WDR88: variants seen among roughly 807,000 people sequenced by gnomAD.
WDR88 encodes the protein WD repeat domain 88.
In WDR88, 40 loss-of-function variants were observed where a neutral mutation model predicts 46.8. That is an observed-to-expected ratio of 0.86 (90% CI 0.66 to 1.11). WDR88 has a LOEUF of 1.11. Ranked by LOEUF, WDR88 falls within the 50% of genes most tolerant of loss-of-function variation. WDR88 has a pLI of 0.00. For synonymous variants in WDR88, 235 were observed against 240.7 expected (o/e 0.98, Z 0.22); for missense variants, 562 against 602.4 (o/e 0.93, Z 0.70).
intron 9 of WDR88, 81 bp downstream of exon 9, chr19:33,164,346 T>C (rs1337221968): frequency 2.2e-6 from 3 of 1,392,682 alleles, no homozygotes; most frequent in Non-Finnish European, 3.1e-6. Context: ...AGTATAAAAT[T>C]CCTGGGTGGG....
At chr19:33,173,170 G>A (rs561261945) in intron 10 of WDR88, among the ~76,000 whole-genome samples, 2 of 150,760 alleles carry the variant, frequency 1.3e-5, no homozygotes, top group East Asian at 3.9e-4. Flanking sequence ...GAGAGAGCCT[G>A]AGAGGCAGGA....
intron 3 of WDR88, among the ~76,000 whole-genome samples, chr19:33,145,785 C>T (rs545302517): frequency 2.6e-5 from 4 of 151,944 alleles, no homozygotes; most frequent in East Asian, 3.9e-4. Flanking sequence ...CCACCCACCT[C>T]GGCCTCCCAA....
chr19:33,145,494 A>G (rs1973492794), intron 3 of WDR88, among the ~76,000 whole-genome samples: 1 of 150,140 alleles, frequency 6.7e-6, no homozygotes, highest in South Asian at 2.1e-4. Flanking sequence ...CCCACGCTGT[A>G]GTGTACTGGT....
chr19:33,144,999 C>A, intron 3 of WDR88, 67 bp downstream of exon 3: 1 of 1,452,856 alleles, frequency 6.9e-7, no homozygotes, highest in South Asian at 1.2e-5. Flanking sequence ...ATAGGTATGC[C>A]TGTGACATTT....
intron 10 of WDR88, among the ~76,000 whole-genome samples, chr19:33,172,771 G>C (rs115002942): frequency 1.5e-4 from 23 of 152,116 alleles, no homozygotes; most frequent in African/African-American, 5.5e-4. Flanking sequence ...GGTGGTGAGG[G>C]GGTGAGCCAT....
chr19:33,149,950 G>T (rs548394527), intron 5 of WDR88, among the ~76,000 whole-genome samples: 1 of 152,038 alleles, frequency 6.6e-6, no homozygotes, highest in African/African-American at 2.4e-5. Flanking sequence ...ATGAGCCACT[G>T]TGCCCAGCCT....
Position 33,152,922 on chromosome 19 carries a change from A to G in WDR88, c.809+1612A>G, listed in dbSNP as rs115663007. Among the ~76,000 whole-genome samples, 195 of 152,306 alleles carry G rather than the reference A, an allele frequency of 1.3e-3. 1 individual carries two copies. The highest frequency in any genetic ancestry group is 4.5e-3 in the African/African-American group (189 of 41,582). On this transcript the variant is annotated intron_variant, in intron 6 of 10. Coordinates refer to ENST00000355868, the MANE Select transcript of WDR88 (RefSeq NM_173479.4). ...CTGAATAGTACTGCATTATAGGTGT[A>G]CATACCACATTTTGTTTATCTGTTC... is the stretch of plus-strand genomic sequence containing the variant.
intron 4 of WDR88, among the ~76,000 whole-genome samples, chr19:33,148,541 G>A (rs112964618): frequency 0.037 from 5,629 of 152,174 alleles, 343 homozygotes; most frequent in African/African-American, 0.13. Flanking sequence ...CCTGGGCTCA[G>A]ATGATCCTCC....
chr19:33,164,769 G>T (rs1973926989), intron 9 of WDR88, among the ~76,000 whole-genome samples: 1 of 152,110 alleles, frequency 6.6e-6, no homozygotes, highest in Admixed American at 6.6e-5. Context: ...AACCTTTTTG[G>T]CACCAGGGAC....
At chr19:33,171,729 G>T (rs1974041792) in intron 9 of WDR88, among the ~76,000 whole-genome samples, 1 of 151,992 alleles carries the variant, frequency 6.6e-6, no homozygotes, top group Non-Finnish European at 1.5e-5. Context: ...GTATATTTTT[G>T]CCAAATGCAT....
In WDR88 at chr19:33,150,368, G is replaced by C. The variant is rs529013811; in HGVS notation, c.680-813G>C. ...TCGGGAGGCTGAGGCAGAATTGCTG[G>C]AACCCAGGAGGTGGAGGTTGCAGTG... On this transcript the variant is annotated intron_variant, in intron 5 of 10. Coordinates refer to ENST00000355868, the MANE Select transcript of WDR88 (RefSeq NM_173479.4). Among the ~76,000 whole-genome samples, 192 of 152,312 alleles carry C rather than the reference G, an allele frequency of 1.3e-3. 1 individual carries two copies. The highest frequency in any genetic ancestry group is 0.01 in the Middle Eastern group (3 of 294).
intron 1 of WDR88, 97 bp downstream of exon 1, chr19:33,132,542 C>G: frequency 6.6e-7 from 1 of 1,520,756 alleles, no homozygotes; most frequent in Non-Finnish European, 8.9e-7. Flanking sequence ...ACCCACCTGG[C>G]TTCACCAGGA....
intron 7 of WDR88, among the ~76,000 whole-genome samples, chr19:33,158,409 G>A (rs1169537571): frequency 1.3e-5 from 2 of 151,738 alleles, no homozygotes; most frequent in South Asian, 2.1e-4. Flanking sequence ...CTGGGTGACG[G>A]AGTGAGACTC....
chr19:33,166,780 C>T (rs145494107), intron 9 of WDR88, among the ~76,000 whole-genome samples: 6 of 149,572 alleles, frequency 4.0e-5, no homozygotes, highest in African/African-American at 1.5e-4. Flanking sequence ...GGAGTGGTGG[C>T]GCACACCTGT....
chr19:33,140,084 T>C (rs1904331583), intron 2 of WDR88, among the ~76,000 whole-genome samples: 1 of 152,152 alleles, frequency 6.6e-6, no homozygotes, highest in Admixed American at 6.6e-5. Context: ...CCTCAAGATC[T>C]TGTTAGAAAA....
At chr19:33,174,352 C>T in intron 10 of WDR88, 2 of 1,455,792 alleles carry the variant, frequency 1.4e-6, no homozygotes, top group Non-Finnish European at 1.8e-6. Context: ...GGCAGAACAG[C>T]AAAGCCCAGG....
chr19:33,156,255 A>C, intron 6 of WDR88, 100 bp from the exon 7 acceptor site: 2 of 1,283,738 alleles, frequency 1.6e-6, no homozygotes, highest in Non-Finnish European at 1.1e-6. Context: ...GTGCAGCCCG[A>C]CCATGAGCTC....
At chr19:33,133,989 C>T (rs531014861) in intron 1 of WDR88, among the ~76,000 whole-genome samples, 11 of 152,384 alleles carry the variant, frequency 7.2e-5, no homozygotes, top group Admixed American at 6.5e-4. Flanking sequence ...TGCTGAGCTG[C>T]AGCATCAGGT....
At chr19:33,172,818 G>A (rs940380358) in intron 10 of WDR88, among the ~76,000 whole-genome samples, 3 of 152,150 alleles carry the variant, frequency 2.0e-5, no homozygotes, top group South Asian at 4.2e-4. Flanking sequence ...AGCTGGATGC[G>A]GTGTTTCACG....
Sources: gnomAD v4.1 joint callset for allele counts (sites outside exome capture counted in the v4.1 genomes callset) on GRCh38, gnomAD v4.1.1 for gene constraint, MANE v1.5 for transcripts, NCBI Gene and HGNC (gene_info 2026-07-23, HGNC 2026-07-21) for gene names.